The following GDPD1 variants were observed in gnomAD, a reference collection of about 807,000 sequenced individuals.
GDPD1 encodes lysophospholipase D GDPD1.
GDPD1 carries 28 observed loss-of-function variants against 45.1 expected under a neutral mutation model. The observed-to-expected ratio is 0.62, with a 90% CI of 0.46 to 0.85. GDPD1 has a LOEUF of 0.85. Among genes scored for constraint, GDPD1 ranks in the 40% least tolerant of loss-of-function variants. The probability of loss-of-function intolerance (pLI) is 0.00; values close to 1 mark genes in which losing one functional copy is unlikely to be tolerated. For missense variants in GDPD1, 256 were observed against 364.8 expected (o/e 0.70, Z 2.43); for synonymous variants, 139 against 131.4 (o/e 1.06, Z -0.40).
intron 1 of GDPD1, among the ~76,000 whole-genome samples, chr17:59,232,197 A>G (rs1380088170): frequency 6.6e-6 from 1 of 152,182 alleles, no homozygotes; most frequent in Non-Finnish European, 1.5e-5. Flanking sequence ...TCAAGCCTGT[A>G]ATCCCAGCAC....
At chr17:59,255,854 C>CATATATATAT (rs1597983000) in intron 4 of GDPD1, among the ~76,000 whole-genome samples, 1 of 81,952 alleles carries the variant, frequency 1.2e-5, no homozygotes, top group East Asian at 3.3e-4. Context: ...TATATATACA[C>CATATATATAT]ACGTATATAT....
chr17:59,229,639 A>G (rs578159710), intron 1 of GDPD1, among the ~76,000 whole-genome samples: 2 of 152,166 alleles, frequency 1.3e-5, no homozygotes, highest in African/African-American at 2.4e-5. Context: ...CTGGGATTAC[A>G]GGCATGAGCC....
In GDPD1 at chr17:59,222,505, C is replaced by CTTTTTTTTTTTTTTTTT. The variant is rs149536097; in HGVS notation, c.142+1764_142+1780dup. Among the ~76,000 whole-genome samples, 403 of 41,742 alleles carry CTTTTTTTTTTTTTTTTT rather than the reference C, an allele frequency of 9.7e-3. 87 individuals carry two copies. The highest frequency in any genetic ancestry group is 0.012 in the Non-Finnish European group (265 of 21,768). The allele number at this position is 41,742 out of a possible 152,430, so 27.4% of individuals were successfully genotyped here. ...ACAGGCGTGAGCCACAGTGCCCAGC[C>CTTTTTTTTTTTTTTTTT]TTTTTTTTTTTTTTTTTTTTTTTTT... On this transcript the variant is annotated intron_variant, in intron 1 of 9. Transcript: ENST00000284116.
At chr17:59,232,297 A>G (rs2047097056) in intron 1 of GDPD1, among the ~76,000 whole-genome samples, 1 of 152,030 alleles carries the variant, frequency 6.6e-6, no homozygotes, top group African/African-American at 2.4e-5. Flanking sequence ...CTAAAAATAA[A>G]AAATTAGCCG....
At chr17:59,263,483 C>CTTTTTTTTTTTTTTTTTT (rs537639356) in intron 6 of GDPD1, among the ~76,000 whole-genome samples, 1 of 120,320 alleles carries the variant, frequency 8.3e-6, no homozygotes, top group Non-Finnish European at 1.6e-5. Flanking sequence ...TTTTCCTTTC[C>CTTTTTTTTTTTTTTTTTT]TTTTTTTTTT....
chr17:59,266,609 C>T (rs1351621665), intron 6 of GDPD1, among the ~76,000 whole-genome samples: 1 of 151,902 alleles, frequency 6.6e-6, no homozygotes, highest in Non-Finnish European at 1.5e-5. Flanking sequence ...GACACATTTG[C>T]AACAGTATTG....
At position 59,232,976 on chromosome 17, in the gene GDPD1, G is replaced by GA. The variant is rs139124381; in HGVS notation, c.143-1515dup. ...CACACCCGTAATCCCAGCACTTTGG[G>GA]AGGCTGAGGTGGGCAGATCACTTGA... On this transcript the variant is annotated intron_variant, in intron 1 of 9. Coordinates refer to ENST00000284116, the MANE Select transcript of GDPD1 (RefSeq NM_182569.4). Among the ~76,000 whole-genome samples, 144 of 152,312 alleles carry GA rather than the reference G, an allele frequency of 9.5e-4. 1 individual carries two copies. Among genetic ancestry groups the GA allele is most frequent in the South Asian group, 6.6e-3 (32 of 4,824 alleles).
chr17:59,260,060 C>CAAAAAAAAAAAAAAAAAAAAAAAAAA (rs56936442), intron 6 of GDPD1, among the ~76,000 whole-genome samples: 1 of 25,828 alleles, frequency 3.9e-5, no homozygotes, highest in Non-Finnish European at 6.9e-5. Context: ...GACCCTGTCT[C>CAAAAAAAAAAAAAAAAAAAAAAAAAA]AAAAAAAAAA....
intron 3 of GDPD1, among the ~76,000 whole-genome samples, chr17:59,246,541 T>A (rs142831488): frequency 8.9e-4 from 135 of 151,520 alleles, no homozygotes; most frequent in African/African-American, 3.2e-3. Context: ...AAACCCCATC[T>A]CTACTAAAAA....
chr17:59,265,060 C>G (rs576340931), intron 6 of GDPD1, among the ~76,000 whole-genome samples: 2 of 151,894 alleles, frequency 1.3e-5, no homozygotes, highest in African/African-American at 4.8e-5. Flanking sequence ...AGGCTGGTCT[C>G]GAAGTCATGA....
chr17:59,273,534 G>T (rs2047458911), intron 9 of GDPD1, 117 bp from the exon 10 acceptor site: 2 of 485,168 alleles, frequency 4.1e-6, no homozygotes, highest in Admixed American at 4.0e-5. Context: ...TTATTTAAAT[G>T]ATAGCTTTAA....
chr17:59,234,387 C>T (rs6503908), intron 1 of GDPD1, 105 bp from the exon 2 acceptor site: 1 of 545,722 alleles, frequency 1.8e-6, no homozygotes, highest in Non-Finnish European at 3.2e-6. Context: ...TGTCTACCCC[C>T]AAAAAAAAAA....
chr17:59,268,578 CAAAAAAAAAAAA>C (rs1176390251), intron 7 of GDPD1, among the ~76,000 whole-genome samples: 10 of 35,372 alleles, frequency 2.8e-4, no homozygotes, highest in South Asian at 1.1e-3. Context: ...GACTCTGTCT[CAAAAAAAAAAAA>C]AAAAAAAAAA....
At chr17:59,264,891 A>T (rs1295742766) in intron 6 of GDPD1, among the ~76,000 whole-genome samples, 1 of 152,042 alleles carries the variant, frequency 6.6e-6, no homozygotes, top group Non-Finnish European at 1.5e-5. Context: ...CCTAGGCTGT[A>T]GTGCAGTGGC....
intron 4 of GDPD1, among the ~76,000 whole-genome samples, chr17:59,254,708 G>T (rs185266879): frequency 1.2e-4 from 18 of 152,202 alleles, no homozygotes; most frequent in African/African-American, 3.9e-4. Context: ...GAAAGTCCAG[G>T]GGTTATATGC....
intron 1 of GDPD1, among the ~76,000 whole-genome samples, chr17:59,225,534 A>G (rs1330447980): frequency 6.6e-6 from 1 of 151,836 alleles, no homozygotes; most frequent in Admixed American, 6.6e-5. Flanking sequence ...TCTCCTTATA[A>G]TTAATAAGAG....
chr17:59,233,767 A>T (rs1421530748), intron 1 of GDPD1, among the ~76,000 whole-genome samples: 1 of 152,196 alleles, frequency 6.6e-6, no homozygotes, highest in Non-Finnish European at 1.5e-5. Flanking sequence ...GTCAAGAATG[A>T]TGGTGATGCC....
At chr17:59,231,440 C>A (rs2047089434) in intron 1 of GDPD1, among the ~76,000 whole-genome samples, 2 of 149,610 alleles carry the variant, frequency 1.3e-5, no homozygotes, top group South Asian at 4.2e-4. Flanking sequence ...CATTCTCCTG[C>A]CTCAGCCTCC....
rs1174794003 is a variant in GDPD1, at chr17:59,255,743, C to CAA, written c.368-1360_368-1359dup. On this transcript the variant is annotated intron_variant, in intron 4 of 9. Transcript: ENST00000284116. ...GGGCAACAAGAACGAAACTCCGTCT[C>CAA]AAAAAAAAAAAAAAAAAAAATATAT... Among the ~76,000 whole-genome samples, 204 of 26,532 alleles carry CAA rather than the reference C, an allele frequency of 7.7e-3. 6 individuals are homozygous for CAA. The highest frequency in any genetic ancestry group is 0.029 in the Middle Eastern group (1 of 34). The allele number at this position is 26,532 out of a possible 152,430, so 17.4% of individuals were successfully genotyped here.
Sources: allele counts gnomAD v4.1 joint callset (sites outside exome capture counted in the v4.1 genomes callset), GRCh38; gene constraint gnomAD v4.1.1; transcripts MANE v1.5; gene names NCBI Gene and HGNC (gene_info 2026-07-23, HGNC 2026-07-21).